The following HCRTR2 variants were observed in gnomAD, a reference collection of about 807,000 sequenced individuals.
HCRTR2 encodes the protein hypocretin receptor 2, also known as orexin receptor type 2.
A neutral mutation model predicts 49.0 loss-of-function variants in HCRTR2; 22 were observed. The ratio of observed to expected loss-of-function variants is 0.45; its 90% CI spans 0.32 to 0.64. The LOEUF is 0.64. Among genes scored for constraint, HCRTR2 ranks in the 30% least tolerant of loss-of-function variants. The pLI, the probability that HCRTR2 is intolerant of heterozygous loss-of-function variation, is 0.04. For synonymous variants in HCRTR2, 236 were observed against 205.3 expected (o/e 1.15, Z -1.28); for missense variants, 491 against 559.4 (o/e 0.88, Z 1.23).
intron 1 of HCRTR2, among the ~76,000 whole-genome samples, chr6:55,222,057 T>C (rs1765908327): frequency 6.6e-6 from 1 of 152,022 alleles, no homozygotes; most frequent in Admixed American, 6.6e-5. Context: ...TTGCAAACCA[T>C]ATATCTGATA....
chr6:55,117,774 A>C (rs1233123124), intron 1 of HCRTR2, among the ~76,000 whole-genome samples: 1 of 127,784 alleles, frequency 7.8e-6, no homozygotes, highest in Non-Finnish European at 1.7e-5. Context: ...TGCCCTTGGG[A>C]TAAAGTCTCA....
Position 55,150,449 on chromosome 6 carries a change from T to C in HCRTR2, c.-377-23762T>C, listed in dbSNP as rs187105841. Among the ~76,000 whole-genome samples the C allele has an allele frequency of 2.4e-3, 370 of 152,080 alleles. 1 individual carries two copies. Among genetic ancestry groups the C allele is most frequent in the African/African-American group, 8.6e-3 (358 of 41,536 alleles). On this transcript the variant is annotated intron_variant, in intron 1 of 7. Transcript: ENST00000615358. ...TATACAGAAGAACCCTGGAACCTAC[T>C]CATCTTCTATAACTGAGACTTTCTA...
chr6:55,134,541 T>A (rs1368485694), intron 1 of HCRTR2, among the ~76,000 whole-genome samples: 3 of 151,898 alleles, frequency 2.0e-5, no homozygotes, highest in Non-Finnish European at 4.4e-5. Flanking sequence ...TTATTAATTA[T>A]AGTCACTATG....
At chr6:55,125,503 C>T (rs1284966513) in intron 1 of HCRTR2, among the ~76,000 whole-genome samples, 1 of 152,138 alleles carries the variant, frequency 6.6e-6, no homozygotes, top group Non-Finnish European at 1.5e-5. Context: ...GATGGGCTTC[C>T]CTTTGTGGGT....
intron 2 of HCRTR2, 29 bp from the exon 3 acceptor site, chr6:55,255,107 T>C (rs764471029): frequency 1.2e-6 from 2 of 1,612,816 alleles, no homozygotes; most frequent in South Asian, 2.2e-5. Flanking sequence ...CTGGTGCTTC[T>C]CTATTACTAT....
At chr6:55,122,325 T>C (rs1047787179) in intron 1 of HCRTR2, among the ~76,000 whole-genome samples, 3 of 152,180 alleles carry the variant, frequency 2.0e-5, no homozygotes, top group African/African-American at 7.2e-5. Flanking sequence ...TTTATCATTT[T>C]TTATTGTGTC....
intron 1 of HCRTR2, among the ~76,000 whole-genome samples, chr6:55,146,949 T>C (rs1190064508): frequency 6.6e-6 from 1 of 152,190 alleles, no homozygotes; most frequent in African/African-American, 2.4e-5. Context: ...TAAAAACAAC[T>C]GATGCCTAGT....
chr6:55,224,271 A>C (rs1765953490), intron 1 of HCRTR2, among the ~76,000 whole-genome samples: 1 of 152,198 alleles, frequency 6.6e-6, no homozygotes, highest in Admixed American at 6.5e-5. Flanking sequence ...TTGCAGCTTT[A>C]TTCACAATAG....
chr6:55,136,309 T>G (rs1321224113), intron 1 of HCRTR2, among the ~76,000 whole-genome samples: 1 of 152,176 alleles, frequency 6.6e-6, no homozygotes, highest in Non-Finnish European at 1.5e-5. Flanking sequence ...AACCTTGAAT[T>G]TAACTACTAG....
At chr6:55,206,634 A>G (rs1230111300) in intron 1 of HCRTR2, among the ~76,000 whole-genome samples, 2 of 152,128 alleles carry the variant, frequency 1.3e-5, no homozygotes, top group South Asian at 2.1e-4. Context: ...ATATCAGCAA[A>G]CCCAGAATTA....
At chr6:55,114,847 T>C (rs1336315695) in intron 1 of HCRTR2, among the ~76,000 whole-genome samples, 2 of 151,772 alleles carry the variant, frequency 1.3e-5, no homozygotes, top group African/African-American at 2.4e-5. Flanking sequence ...TAGAAGATAC[T>C]TACCCTAATC....
At chr6:55,113,717 C>G (rs1764080974) in intron 1 of HCRTR2, among the ~76,000 whole-genome samples, 1 of 151,864 alleles carries the variant, frequency 6.6e-6, no homozygotes, top group African/African-American at 2.4e-5. Context: ...CTAGTACAAC[C>G]ACTATGGAAA....
At chr6:55,237,605 GAGA>G (rs1766238061) in intron 1 of HCRTR2, among the ~76,000 whole-genome samples, 1 of 152,092 alleles carries the variant, frequency 6.6e-6, no homozygotes, top group Non-Finnish European at 1.5e-5. Context: ...CAAAAACTTT[GAGA>G]AGAAAAGAGG....
chr6:55,118,624 T>A (rs1764152549), intron 1 of HCRTR2, among the ~76,000 whole-genome samples: 2 of 151,896 alleles, frequency 1.3e-5, no homozygotes, highest in Non-Finnish European at 2.9e-5. Context: ...CTCATTGTGG[T>A]TTTGATTTGT....
At chr6:55,125,544 C>T (rs936255459) in intron 1 of HCRTR2, among the ~76,000 whole-genome samples, 5 of 152,128 alleles carry the variant, frequency 3.3e-5, no homozygotes, top group African/African-American at 1.2e-4. Context: ...CTGCCCTTAA[C>T]ATTTTTTCTT....
chr6:55,107,242 G>A (rs1183196133), intron 1 of HCRTR2, among the ~76,000 whole-genome samples: 1 of 151,954 alleles, frequency 6.6e-6, no homozygotes, highest in Non-Finnish European at 1.5e-5. Flanking sequence ...AAATGGAAAT[G>A]AGCATGCTTG....
rs771018717 is a variant in HCRTR2 at position 55,255,416 on chromosome 6, T to C, written c.646+37T>C. 1.9e-6 allele frequency: 3 copies of C among 1,611,818 alleles called. No homozygotes were observed. The East Asian group carries it at 6.7e-5, about 36-fold the overall frequency. ...ATGGCCCATCAACTGACATTTATAT[T>C]ACAGCAGCAAATTGAAAATTGGATT... On this transcript the variant is annotated intron_variant, in intron 3 of 6. Transcript: ENST00000370862.
intron 1 of HCRTR2, among the ~76,000 whole-genome samples, chr6:55,175,075 G>A (rs1418540222): frequency 6.6e-6 from 1 of 152,098 alleles, no homozygotes; most frequent in Non-Finnish European, 1.5e-5. Flanking sequence ...GATTACAAGC[G>A]CAGGGAGAGG....
At chr6:55,120,466 C>A (rs1156409944) in intron 1 of HCRTR2, among the ~76,000 whole-genome samples, 3 of 151,878 alleles carry the variant, frequency 2.0e-5, no homozygotes, top group Non-Finnish European at 4.4e-5. Context: ...TGAAGAAGTC[C>A]TTCACATCCC....
Sources: gnomAD v4.1 joint callset for allele counts (sites outside exome capture counted in the v4.1 genomes callset) on GRCh38, gnomAD v4.1.1 for gene constraint, MANE v1.5 for transcripts, NCBI Gene and HGNC (gene_info 2026-07-23, HGNC 2026-07-21) for gene names.